Variants in OSBPL10 observed in about 807,000 individuals in gnomAD.
The protein encoded by OSBPL10 is oxysterol-binding protein-related protein 10.
OSBPL10 carries 49 observed loss-of-function variants against 81.7 expected under a neutral mutation model. That is an observed-to-expected ratio of 0.60 (90% CI 0.48 to 0.76). OSBPL10 has a LOEUF of 0.76. Among genes scored for constraint, OSBPL10 ranks in the 30% least tolerant of loss-of-function variants. The pLI, the probability that OSBPL10 is intolerant of heterozygous loss-of-function variation, is 0.00. For synonymous variants in OSBPL10, 419 were observed against 383.6 expected (o/e 1.09, Z -1.08); for missense variants, 923 against 987.8 (o/e 0.93, Z 0.88).
chr3:31,980,797 TCG>T, intron 1 of OSBPL10, 100 bp downstream of exon 1: 2 of 1,334,452 alleles, frequency 1.5e-6, no homozygotes, highest in Non-Finnish European at 1.9e-6. Flanking sequence ...GAAGGCACAA[TCG>T]CGCGCGCACA....
intron 1 of OSBPL10, among the ~76,000 whole-genome samples, chr3:31,931,874 C>T (rs1407854013): frequency 6.6e-6 from 1 of 151,980 alleles, no homozygotes; most frequent in Non-Finnish European, 1.5e-5. Flanking sequence ...TCCCAGAGTT[C>T]GAGACCAGCC....
At chr3:31,694,346 G>A (rs920143775) in intron 7 of OSBPL10, among the ~76,000 whole-genome samples, 3 of 124,812 alleles carry the variant, frequency 2.4e-5, no homozygotes, top group Non-Finnish European at 3.2e-5. Flanking sequence ...ACTCCAGCCT[G>A]GGTGACAGAG....
chr3:31,840,767 G>T (rs759248184), intron 3 of OSBPL10, among the ~76,000 whole-genome samples: 15 of 152,164 alleles, frequency 9.9e-5, no homozygotes, highest in African/African-American at 1.4e-4. Flanking sequence ...TATAAGTATG[G>T]AACACATACA....
intron 4 of OSBPL10, among the ~76,000 whole-genome samples, chr3:31,806,345 T>C (rs1699522897): frequency 6.6e-6 from 1 of 152,210 alleles, no homozygotes; most frequent in African/African-American, 2.4e-5. Flanking sequence ...CAGACAAGAC[T>C]TCCTCGCCAC....
chr3:31,721,309 G>T (rs1276606575), intron 6 of OSBPL10: 2 of 152,212 alleles, frequency 1.3e-5, no homozygotes, highest in Admixed American at 6.5e-5. Flanking sequence ...AACTGCAAGA[G>T]AATACATTTG....
At chr3:31,734,733 G>A (rs1007601454) in intron 5 of OSBPL10, among the ~76,000 whole-genome samples, 4 of 152,076 alleles carry the variant, frequency 2.6e-5, no homozygotes, top group African/African-American at 9.7e-5. Context: ...GCAAGACACT[G>A]TCTCCAAAAA....
chr3:31,798,501 CA>C (rs1338935131), intron 4 of OSBPL10, among the ~76,000 whole-genome samples: 3 of 151,550 alleles, frequency 2.0e-5, no homozygotes, highest in Admixed American at 6.6e-5. Context: ...TAAAATATTA[CA>C]TTTTTTTAAT....
At chr3:31,671,074 C>T in intron 8 of OSBPL10, 91 bp from the exon 9 acceptor site, 4 of 1,254,932 alleles carry the variant, frequency 3.2e-6, no homozygotes, top group South Asian at 3.1e-5. Context: ...ACCAAAGAGC[C>T]TCCTGCACAG....
intron 3 of OSBPL10, among the ~76,000 whole-genome samples, chr3:31,868,409 C>T (rs1367579200): frequency 3.9e-5 from 6 of 151,974 alleles, no homozygotes; most frequent in Non-Finnish European, 7.4e-5. Context: ...CCCCGAGCTC[C>T]ATCGGGTTTT....
intron 6 of OSBPL10, among the ~76,000 whole-genome samples, chr3:31,728,889 G>A (rs991972347): frequency 3.3e-5 from 5 of 152,106 alleles, no homozygotes; most frequent in Non-Finnish European, 5.9e-5. Context: ...GCATTATACC[G>A]GTTGAGCATC....
intron 1 of OSBPL10, among the ~76,000 whole-genome samples, chr3:31,902,166 C>T (rs76691802): frequency 0.048 from 7,352 of 152,014 alleles, 428 homozygotes; most frequent in Admixed American, 0.16. Flanking sequence ...CTTCACAGAG[C>T]TGTGCTAAGG....
In OSBPL10 at chr3:31,926,263, G is replaced by A. The variant is rs569014599; in HGVS notation, c.282-46433C>T. 3.4e-5 allele frequency among the ~76,000 whole-genome samples: 5 copies of A among 145,408 alleles called. No homozygotes were observed. In the South Asian group the frequency reaches 1.1e-3, roughly 33 times the overall value. On this transcript the variant is annotated intron_variant, in intron 1 of 11. Coordinates refer to ENST00000396556, the MANE Select transcript of OSBPL10 (RefSeq NM_017784.5). ...AATCACTCTTTATAAAGCATAAACCGGTGGTTCTCAACCATGGGTGATTTT... is the reference window on the plus strand; with the variant it reads ...AATCACTCTTTATAAAGCATAAACCAGTGGTTCTCAACCATGGGTGATTTT...
At chr3:31,969,041 C>T (rs1354992028) in intron 1 of OSBPL10, among the ~76,000 whole-genome samples, 1 of 152,178 alleles carries the variant, frequency 6.6e-6, no homozygotes, top group Non-Finnish European at 1.5e-5. Flanking sequence ...CTGCAGTACA[C>T]ACACAAAAAA....
intron 5 of OSBPL10, among the ~76,000 whole-genome samples, chr3:31,735,373 G>A (rs1418483379): frequency 1.3e-5 from 2 of 152,114 alleles, no homozygotes; most frequent in East Asian, 1.9e-4. Flanking sequence ...CCAGGAGGTC[G>A]AGGCTACAGT....
In OSBPL10 at chr3:32,072,599, G is replaced by A. The variant is rs915302678; in HGVS notation, n.185+4797C>T. On this transcript the variant is annotated intron_variant and non_coding_transcript_variant, in intron 1 of 3. Coordinates refer to the OSBPL10 transcript ENST00000479173. ...TAGAACCTCTCATTTCCTTTCCATC[G>A]TGAAAATCTATCCTTAAGGAAATCA... 5.3e-5 allele frequency among the ~76,000 whole-genome samples: 8 copies of A among 152,148 alleles called. No individual in the cohort carries two copies. In the East Asian group the frequency reaches 7.7e-4, roughly 15 times the overall value.
At chr3:31,805,095 T>C (rs1275194440) in intron 4 of OSBPL10, among the ~76,000 whole-genome samples, 1 of 152,236 alleles carries the variant, frequency 6.6e-6, no homozygotes, top group Non-Finnish European at 1.5e-5. Context: ...TTCAAGACTT[T>C]GTCTTGATTA....
At position 31,926,972 on chromosome 3, in the gene OSBPL10, A is replaced by G. The variant is rs551113185; in HGVS notation, c.282-47142T>C. Among the ~76,000 whole-genome samples the G allele has an allele frequency of 1.1e-3, 174 of 152,202 alleles. 2 individuals are homozygous for G. Among genetic ancestry groups the G allele is most frequent in the Non-Finnish European group, 5.9e-4 (40 of 68,006 alleles). ...TAAAAATATAAAAAATTAGCTGGGTATGGTGGCACATGCCTGTAATCCCAG... is the reference window on the plus strand; with the variant it reads ...TAAAAATATAAAAAATTAGCTGGGTGTGGTGGCACATGCCTGTAATCCCAG... On this transcript the variant is annotated intron_variant, in intron 1 of 11. Coordinates refer to ENST00000396556, the MANE Select transcript of OSBPL10 (RefSeq NM_017784.5).
At chr3:31,810,881 T>G (rs1036324628) in intron 4 of OSBPL10, among the ~76,000 whole-genome samples, 1 of 152,174 alleles carries the variant, frequency 6.6e-6, no homozygotes, top group African/African-American at 2.4e-5. Flanking sequence ...ATCCCCCGCT[T>G]ACTTTCATTA....
intron 11 of OSBPL10, chr3:31,662,680 G>A (rs570704367): frequency 1.2e-5 from 12 of 985,578 alleles, no homozygotes; most frequent in African/African-American, 1.0e-4. Context: ...GTGTTCAGAT[G>A]ACTCTTATTC....
Sources: gnomAD v4.1 joint callset for allele counts (sites outside exome capture counted in the v4.1 genomes callset) on GRCh38, gnomAD v4.1.1 for gene constraint, MANE v1.5 for transcripts, NCBI Gene and HGNC (gene_info 2026-07-23, HGNC 2026-07-21) for gene names.